Variants in ACE observed in about 807,000 individuals in gnomAD.
ACE encodes the protein angiotensin-converting enzyme.
Under a neutral mutation model 162.3 loss-of-function variants are expected in ACE, and 122 were observed. The ratio of observed to expected loss-of-function variants is 0.75; its 90% CI spans 0.65 to 0.87. The LOEUF is 0.87. Ranked by LOEUF, ACE falls within the 40% of genes least tolerant of loss-of-function variation. ACE has a pLI of 0.00. For synonymous variants in ACE, 796 were observed against 720.6 expected (o/e 1.10, Z -1.68); for missense variants, 1,799 against 1,735.1 (o/e 1.04, Z -0.65).
chr17:63,480,787 T>C lies in ACE; in HGVS notation c.847+259T>C, dbSNP rs536139946. On this transcript the variant is annotated intron_variant, in intron 5 of 24. Coordinates refer to ENST00000290866, the MANE Select transcript of ACE (RefSeq NM_000789.4). Reference sequence around the variant, plus strand: ...CCAAAGGCTCTGGCCCTGGGTCCAGTGGGGGAGCCATCAGCCTAGCTCATG... The same window carrying C: ...CCAAAGGCTCTGGCCCTGGGTCCAGCGGGGGAGCCATCAGCCTAGCTCATG... 1.2e-4 allele frequency among the ~76,000 whole-genome samples: 19 copies of C among 152,242 alleles called. No homozygotes were observed. The South Asian group carries it at 3.9e-3, about 32-fold the overall frequency.
rs767085054 is a variant in ACE at position 63,478,064 on chromosome 17, G to C, written c.383G>C (p.Gly128Ala). ...RRIIGAVRTL[G>A]SANLPLAKRQ... ...ATCATCGGAGCTGTGCGCACCCTGG[G>C]CTCTGCCAACCTGCCCCTGGCTAAG... The change falls in exon 2 of 25, where the codon GGC becomes GCC. Residue 128 changes from glycine to alanine, a missense_variant. Transcript: ENST00000290866. 6.3e-6 allele frequency: 10 copies of C among 1,597,626 alleles called. No homozygotes were observed. In the South Asian group the frequency reaches 1.1e-4, roughly 18 times the overall value.
rs548029709 is a variant in ACE at position 63,497,923 on chromosome 17, G to T, written c.*557G>T. The stretch of plus-strand genomic sequence containing the variant: ...GCCTCACATTTCCACTGGCAGTGGA[G>T]CCTTTCCCTGCTCCACAAATGGCCA... On this transcript the variant is annotated 3_prime_UTR_variant, in exon 25 of 25. Transcript: ENST00000290866. 12 of 216,010 alleles carry T rather than the reference G, an allele frequency of 5.6e-5. No individual in the cohort carries two copies. Among genetic ancestry groups the T allele is most frequent in the Non-Finnish European group, 8.4e-5 (9 of 106,524 alleles). 13.4% of individuals were successfully genotyped at this position (216,010 alleles called of 1,614,324 possible).
Position 63,481,096 on chromosome 17 carries a change from A to T in ACE, c.853A>T (p.Met285Leu). 1 of 1,613,338 alleles carries T rather than the reference A, an allele frequency of 6.2e-7. No individual in the cohort carries two copies. Among genetic ancestry groups the T allele is most frequent in the South Asian group, 1.1e-5 (1 of 91,078 alleles). ...CCCCTTCCTTCCTTATCTAGGAGAC[A>T]TGTGGGCCCAGAGCTGGGAAAACAT... is the stretch of plus-strand genomic sequence containing the variant. Reference protein sequence around the residue: ...GPIPAHLLGDMWAQSWENIYD... With the variant: ...GPIPAHLLGDLWAQSWENIYD... The change falls in exon 6 of 25, where the codon ATG (methionine) becomes TTG (leucine). Residue 285 changes from methionine to leucine, a missense_variant. Transcript: ENST00000290866.
rs1376256487 is a variant in ACE at position 63,486,376 on chromosome 17, G to A, written c.2059-181G>A. On this transcript the variant is annotated intron_variant, in intron 13 of 24. Transcript: ENST00000290866. ...GACCGCAGGCATCCAGGGAGGGTGA[G>A]TACTGCATCCAGGACGTTATCAGCG... is the stretch of plus-strand genomic sequence containing the variant. 5 of 684,870 alleles carry A rather than the reference G, an allele frequency of 7.3e-6. No individual in the cohort carries two copies. In the African/African-American group the frequency reaches 8.8e-5, roughly 12 times the overall value. 42.4% of individuals were successfully genotyped at this position (684,870 alleles called of 1,614,324 possible). A position where few individuals can be genotyped will look rare whatever the true frequency, so the allele number is the denominator to read the frequency against.
Position 63,484,014 on chromosome 17 carries a change from C to A in ACE, c.1709+43C>A. 1 of 1,577,982 alleles carries A rather than the reference C, an allele frequency of 6.3e-7. No homozygotes were observed. The highest frequency in any genetic ancestry group is 8.6e-7 in the Non-Finnish European group (1 of 1,163,274). ...GGGGGAAGTGGGAGGCAGAGAGGAG[C>A]GGCTGGCAAAGGGTGTGGCAGGAGG... On this transcript the variant is annotated intron_variant, in intron 11 of 24. Transcript: ENST00000290866. This position sits in a 1 kb window ranked among gnomAD's most constrained non-coding sequence, Gnocchi z 4.0.
At position 63,491,168 on chromosome 17, in the gene ACE, C is replaced by T. The variant is rs759349097; in HGVS notation, c.2740-41C>T. 2.5e-6 allele frequency: 4 copies of T among 1,612,946 alleles called. No individual in the cohort carries two copies. In the South Asian group the frequency reaches 4.4e-5, roughly 18 times the overall value. ...TCCCCACGGCAGCACGCAGTCTGTC[C>T]CCGGAACCCCCAGTTTGGGCAGAAC... On this transcript the variant is annotated intron_variant, in intron 18 of 24. Coordinates refer to ENST00000290866, the MANE Select transcript of ACE (RefSeq NM_000789.4). The surrounding 1 kb of genome is among the most constrained non-coding windows in gnomAD (Gnocchi z 4.4).
Position 63,477,273 on chromosome 17 carries a change from T to C in ACE, c.179T>C (p.Val60Ala), listed in dbSNP as rs1279850136. Reference protein sequence around the residue: ...AQSYNSSAEQVLFQSVAASWA... With the variant: ...AQSYNSSAEQALFQSVAASWA... ...AGCTACAACTCCAGCGCCGAACAGGTGCTGTTCCAGAGCGTGGCCGCCAGC... is the reference window on the plus strand; with the variant it reads ...AGCTACAACTCCAGCGCCGAACAGGCGCTGTTCCAGAGCGTGGCCGCCAGC... Residue 60 changes from valine to alanine, a missense_variant, in exon 1 of 25, where the codon GTG becomes GCG. Coordinates refer to ENST00000290866, the MANE Select transcript of ACE (RefSeq NM_000789.4). The C allele has an allele frequency of 1.3e-6, 2 of 1,482,578 alleles. No individual in the cohort carries two copies. Among genetic ancestry groups the C allele is most frequent in the Admixed American group, 2.1e-5 (1 of 47,372 alleles). 91.8% of individuals were successfully genotyped at this position (1,482,578 alleles called of 1,614,324 possible).
At chr17:63,493,349 G>A in intron 19 of ACE, 87 bp from the exon 20 acceptor site, 2 of 1,304,644 alleles carry the variant, frequency 1.5e-6, no homozygotes, top group Admixed American at 1.7e-5. Context: ...GGTCTGCCCT[G>A]GGTATAGCAA....
chr17:63,485,969 A>G (rs946213708), intron 13 of ACE, among the ~76,000 whole-genome samples: 3 of 152,134 alleles, frequency 2.0e-5, no homozygotes, highest in African/African-American at 7.2e-5. Context: ...ACAAAAATCA[A>G]TCTCTAGTAA....
rs780845846 is a variant in ACE, at chr17:63,497,185, G to GCCTGGA, written c.3747_3752dup (p.Leu1250_Asp1251dup). The GCCTGGA allele has an allele frequency of 3.1e-6, 5 of 1,603,942 alleles. No individual in the cohort carries two copies. Among genetic ancestry groups the GCCTGGA allele is most frequent in the Non-Finnish European group, 4.2e-6 (5 of 1,179,128 alleles). ...GACAGCGGCCGCGTCAGCTTCCTGG[G>GCCTGGA]CCTGGACCTGGATGCGCAGCAGGCC... On this transcript the variant is annotated inframe_insertion, in exon 25 of 25. Transcript: ENST00000290866.
chr17:63,480,626 C>T, intron 5 of ACE, 98 bp downstream of exon 5: 1 of 1,299,916 alleles, frequency 7.7e-7, no homozygotes, highest in Non-Finnish European at 1.1e-6. Context: ...GGGTTGTGAC[C>T]CTCACATCTC....
chr17:63,493,283 GT>G (rs1478693949), intron 19 of ACE, among the ~76,000 whole-genome samples, 152 bp from the exon 20 acceptor site: 1 of 152,280 alleles, frequency 6.6e-6, no homozygotes, highest in East Asian at 1.9e-4. Context: ...ACACTCAGTG[GT>G]TGCCCTTCCC....
At position 63,479,033 on chromosome 17, in the gene ACE, C is replaced by T. The variant is rs2049664329; in HGVS notation, c.444C>T (p.Ser148=). ...QQYNALLSNM[S]RIYSTAKVCL... is the part of the protein sequence containing the mutation. Reference sequence around the variant, plus strand: ...ACAACGCCCTGCTAAGCAACATGAGCAGGATCTACTCCACCGCCAAGGTCT... The same window carrying T: ...ACAACGCCCTGCTAAGCAACATGAGTAGGATCTACTCCACCGCCAAGGTCT... Residue 148 remains serine, a synonymous_variant, in exon 3 of 25, where the codon AGC becomes AGT. Transcript: ENST00000290866. 1 of 1,613,710 alleles carries T rather than the reference C, an allele frequency of 6.2e-7. No homozygotes were observed. Among genetic ancestry groups the T allele is most frequent in the African/African-American group, 1.3e-5 (1 of 74,974 alleles).
intron 13 of ACE, among the ~76,000 whole-genome samples, chr17:63,486,126 G>A (rs1442032430): frequency 1.3e-5 from 2 of 152,170 alleles, no homozygotes; most frequent in Non-Finnish European, 2.9e-5. Context: ...ATGCCACTGA[G>A]CCACACACTG....
At position 63,483,567 on chromosome 17, in the gene ACE, G is replaced by GCGGGGCGCCCCCCC; in HGVS notation, c.1586+10_1586+11insGGGGCGCCCCCCCC. ...GTGACACCATACATCAGGTATTAGC[G>GCGGGGCGCCCCCCC]CCCCCACCCCACCCACCCCCAGTAC... On this transcript the variant is annotated intron_variant, in intron 10 of 24. Coordinates refer to ENST00000290866, the MANE Select transcript of ACE (RefSeq NM_000789.4). The GCGGGGCGCCCCCCC allele has an allele frequency of 6.3e-7, 1 of 1,589,580 alleles. No individual in the cohort carries two copies. Among genetic ancestry groups the GCGGGGCGCCCCCCC allele is most frequent in the African/African-American group, 1.4e-5 (1 of 71,666 alleles).
intron 13 of ACE, among the ~76,000 whole-genome samples, chr17:63,485,968 A>G (rs2029909742): frequency 6.6e-6 from 1 of 152,150 alleles, no homozygotes; most frequent in African/African-American, 2.4e-5. Context: ...AACAAAAATC[A>G]ATCTCTAGTA....
At chr17:63,478,337 A>C in intron 2 of ACE, 1 of 572,730 alleles carries the variant, frequency 1.7e-6, no homozygotes, top group Non-Finnish European at 3.1e-6. Flanking sequence ...ATTCAAATAC[A>C]CTTCTCCCTA....
rs2029962852 is a variant in ACE, at chr17:63,486,673, G to T, written c.2175G>T (p.Gln725His). 1 of 1,614,262 alleles carries T rather than the reference G, an allele frequency of 6.2e-7. No individual in the cohort carries two copies. The highest frequency in any genetic ancestry group is 1.3e-5 in the African/African-American group (1 of 75,078). Residue 725 changes from glutamine to histidine, a missense_variant, in exon 14 of 25, where the codon CAG (glutamine) becomes CAT (histidine). Physicochemically the swap from Gln to His is conservative, Grantham distance 24 (BLOSUM62 0). Coordinates refer to ENST00000290866, the MANE Select transcript of ACE (RefSeq NM_000789.4). The part of the protein sequence containing the change: ...TTIKRIIKKV[Q>H]DLERAALPAQ... ...TCAAGCGGATCATAAAGAAGGTTCAGGACCTAGAACGGGCAGCACTGCCTG... is the reference window on the plus strand; with the variant it reads ...TCAAGCGGATCATAAAGAAGGTTCATGACCTAGAACGGGCAGCACTGCCTG...
Position 63,477,132 on chromosome 17 carries a change from T to TGCTGCTGCC in ACE, c.43_44insTGCCGCTGC (p.Leu14_Pro15insLeuProLeu). ...TCGGGCCGCCGGGGGCCGGGGCTGC[T>TGCTGCTGCC]GCTGCCGCTGCCGCTGCTGTTGCTG... On this transcript the variant is annotated inframe_insertion, in exon 1 of 25. Coordinates refer to ENST00000290866, the MANE Select transcript of ACE (RefSeq NM_000789.4). 7.0e-7 allele frequency: 1 copy of TGCTGCTGCC among 1,420,520 alleles called. No homozygotes were observed. Among genetic ancestry groups the TGCTGCTGCC allele is most frequent in the South Asian group, 1.4e-5 (1 of 70,872 alleles). 88.0% of individuals were successfully genotyped at this position (1,420,520 alleles called of 1,614,324 possible).
Sources: allele counts gnomAD v4.1 joint callset (sites outside exome capture counted in the v4.1 genomes callset), GRCh38; gene constraint gnomAD v4.1.1; non-coding constraint Gnocchi (gnomAD v3.1); transcripts MANE v1.5; gene names NCBI Gene and HGNC (gene_info 2026-07-23, HGNC 2026-07-21).